SART3: variants seen among roughly 807,000 people sequenced by gnomAD.
The protein encoded by SART3 is HIV-1 Tat-interacting protein of 110kDa.
Under a neutral mutation model 122.3 loss-of-function variants are expected in SART3, and 44 were observed. That is an observed-to-expected ratio of 0.36 (90% CI 0.28 to 0.46). SART3 has a LOEUF of 0.46. Ranked by LOEUF, SART3 falls within the 20% of genes least tolerant of loss-of-function variation. The pLI is 1.00. For synonymous variants in SART3, 442 were observed against 454.0 expected (o/e 0.97, Z 0.34); for missense variants, 1,101 against 1,229.0 (o/e 0.90, Z 1.56).
chr12:108,537,609 A>T lies in SART3; in HGVS notation c.1202-14T>A. The stretch of plus-strand genomic sequence containing the variant: ...TCTCGAAGGTTACTGGAGTTGGAGA[A>T]AAGTCAGGATTTGTTACCAATTCAA... On this transcript the variant is annotated splice_polypyrimidine_tract_variant and intron_variant, in intron 8 of 18. Transcript: ENST00000546815. 6.2e-7 allele frequency: 1 copy of T among 1,606,482 alleles called. No individual in the cohort carries two copies. Among genetic ancestry groups the T allele is most frequent in the South Asian group, 1.1e-5 (1 of 90,874 alleles).
rs772708927 is a variant in SART3 at position 108,531,288 on chromosome 12, GA to G, written c.1670-9del. The G allele has an allele frequency of 3.7e-5, 59 of 1,611,116 alleles. No homozygotes were observed. The highest frequency in any genetic ancestry group is 4.8e-5 in the Non-Finnish European group (56 of 1,177,428). ...CCCAATCTTCTAAAGAACCTTGAAAGAAAGAGAAGCAAAACTTTCACTCTTT... is the reference window on the plus strand; with the variant it reads ...CCCAATCTTCTAAAGAACCTTGAAAGAAGAGAAGCAAAACTTTCACTCTTT... On this transcript the variant is annotated splice_polypyrimidine_tract_variant and intron_variant, in intron 13 of 18. Coordinates refer to ENST00000546815, the MANE Select transcript of SART3 (RefSeq NM_014706.4).
At chr12:108,532,187 T>C in intron 13 of SART3, 35 bp downstream of exon 13, 1 of 1,582,744 alleles carries the variant, frequency 6.3e-7, no homozygotes, top group East Asian at 2.2e-5. Flanking sequence ...GCAAATGGGT[T>C]AGGCTCCAAG....
rs1187592017 is a variant in SART3 at position 108,523,118 on chromosome 12, G to A, written c.*339C>T. On this transcript the variant is annotated 3_prime_UTR_variant, in exon 19 of 19. Coordinates refer to ENST00000546815, the MANE Select transcript of SART3 (RefSeq NM_014706.4). The stretch of plus-strand genomic sequence containing the variant: ...GAGAAGTGTCATACAAAAAGGGGCC[G>A]GAGCTGGCCAGAAACATTTGGACAA... 6 of 391,294 alleles carry A rather than the reference G, an allele frequency of 1.5e-5. No individual in the cohort carries two copies. The highest frequency in any genetic ancestry group is 1.1e-4 in the East Asian group (2 of 18,508). 24.2% of individuals were successfully genotyped at this position (391,294 alleles called of 1,614,324 possible). A position where few individuals can be genotyped will look rare whatever the true frequency, so the allele number is the denominator to read the frequency against.
intron 1 of SART3, among the ~76,000 whole-genome samples, chr12:108,558,734 T>G (rs1158528529): frequency 6.6e-6 from 1 of 152,196 alleles, no homozygotes; most frequent in African/African-American, 2.4e-5. Context: ...TTCAGCACAC[T>G]TATTTATAAA....
chr12:108,525,593 G>C lies in SART3; in HGVS notation c.2387C>G (p.Thr796Ser). ...GAACAGCTTGTGTTTCTCTAGGGAAGTGCTGTACCTGAACACCTATAGGAA... is the reference window on the plus strand; with the variant it reads ...GAACAGCTTGTGTTTCTCTAGGGAACTGCTGTACCTGAACACCTATAGGAA... The part of the protein sequence containing the change: ...NPDFKVFRYS[T>S]SLEKHKLFIS... Residue 796 changes from threonine to serine, a missense_variant, in exon 17 of 19, where the codon ACT becomes AGT. Physicochemically the swap from Thr to Ser is moderately conservative, Grantham distance 58. Transcript: ENST00000546815. 5 of 1,614,146 alleles carry C rather than the reference G, an allele frequency of 3.1e-6. No individual in the cohort carries two copies. Among genetic ancestry groups the C allele is most frequent in the Non-Finnish European group, 4.2e-6 (5 of 1,179,992 alleles).
chr12:108,532,544 A>G (rs768578882), intron 12 of SART3: 4 of 521,004 alleles, frequency 7.7e-6, no homozygotes, highest in Non-Finnish European at 1.4e-5. Flanking sequence ...TCTCTCCCTC[A>G]GCCATGTAGG....
At chr12:108,544,140 C>T (rs1873296971) in intron 5 of SART3, among the ~76,000 whole-genome samples, 1 of 152,196 alleles carries the variant, frequency 6.6e-6, no homozygotes, top group Non-Finnish European at 1.5e-5. Flanking sequence ...CTTTCAGAGA[C>T]CCTATCTCTG....
intron 1 of SART3, among the ~76,000 whole-genome samples, chr12:108,556,862 G>A (rs756030965): frequency 5.3e-5 from 8 of 152,198 alleles, no homozygotes; most frequent in South Asian, 2.1e-4. Flanking sequence ...GTGTGCTTGC[G>A]GAGCACAAAC....
At chr12:108,552,407 C>T (rs1296189363) in intron 1 of SART3, among the ~76,000 whole-genome samples, 2 of 150,324 alleles carry the variant, frequency 1.3e-5, no homozygotes, top group Non-Finnish European at 3.0e-5. Flanking sequence ...CTATACAGCT[C>T]GGAAAAATAA....
In SART3 at chr12:108,525,492, G is replaced by A. The variant is rs1323193834; in HGVS notation, c.2488C>T (p.Leu830Phe). 3.7e-6 allele frequency: 6 copies of A among 1,614,186 alleles called. No homozygotes were observed. The highest frequency in any genetic ancestry group is 1.1e-5 in the South Asian group (1 of 91,090). Residue 830 changes from leucine to phenylalanine, a missense_variant, in exon 17 of 19, where the codon CTC (leucine) becomes TTC (phenylalanine). Around this residue, in one of 2 missense-constraint regions of SART3, gnomAD observed 885 missense variants for 1,080.1 expected, o/e 0.82. Transcript: ENST00000546815. ...CCAGCCCGGTTGGTGACCAGCCTGA[G>A]GTCCTTCACGGTGCCATGAGCCTTA... is the stretch of plus-strand genomic sequence containing the variant. ...ICKAHGTVKD[L>F]RLVTNRAGKP...
intron 3 of SART3, among the ~76,000 whole-genome samples, chr12:108,546,222 C>A (rs1191360691): frequency 6.6e-6 from 1 of 152,102 alleles, no homozygotes; most frequent in Admixed American, 6.5e-5. Flanking sequence ...TTTGTTGAGA[C>A]ACAGTCTCGT....
intron 18 of SART3, chr12:108,523,955 C>T (rs995290398): frequency 1.8e-6 from 1 of 559,128 alleles, no homozygotes; most frequent in African/African-American, 1.9e-5. Flanking sequence ...CAGCGAACAG[C>T]ACAGCTTATG....
At chr12:108,532,972 G>A (rs990799066) in intron 12 of SART3, among the ~76,000 whole-genome samples, 7 of 152,052 alleles carry the variant, frequency 4.6e-5, no homozygotes, top group African/African-American at 1.4e-4. Context: ...AAGGCTGGTC[G>A]CAAACAGATC....
intron 5 of SART3, 24 bp from the exon 6 acceptor site, chr12:108,543,176 C>A (rs376649077): frequency 6.2e-7 from 1 of 1,613,368 alleles, no homozygotes; most frequent in Non-Finnish European, 8.5e-7. Context: ...GATTCAGCCC[C>A]GTGGGTCTTG....
chr12:108,541,600 G>A (rs188325876), intron 6 of SART3, among the ~76,000 whole-genome samples: 1 of 152,058 alleles, frequency 6.6e-6, no homozygotes, highest in African/African-American at 2.4e-5. Context: ...GTGCAGTGGT[G>A]CGATCTCGGC....
Position 108,545,334 on chromosome 12 carries a change from GA to G in SART3, c.545-12del. 1 of 1,613,820 alleles carries G rather than the reference GA, an allele frequency of 6.2e-7. No individual in the cohort carries two copies. Among genetic ancestry groups the G allele is most frequent in the Non-Finnish European group, 8.5e-7 (1 of 1,179,716 alleles). On this transcript the variant is annotated splice_polypyrimidine_tract_variant and intron_variant, in intron 3 of 18. Coordinates refer to ENST00000546815, the MANE Select transcript of SART3 (RefSeq NM_014706.4). Reference sequence around the variant, plus strand: ...GCCAAATGTTAGGACCTAAAAATAAGAAGTGTTCAATTAGTTTGGGATATAA... The same window carrying G: ...GCCAAATGTTAGGACCTAAAAATAAGAGTGTTCAATTAGTTTGGGATATAA...
intron 15 of SART3, among the ~76,000 whole-genome samples, chr12:108,529,069 G>A (rs1177985131): frequency 6.6e-6 from 1 of 152,164 alleles, no homozygotes; most frequent in East Asian, 1.9e-4. Context: ...GTTGAAGTGA[G>A]CCAAGATCAC....
In SART3 at chr12:108,530,309, G is replaced by A. The variant is rs149622226; in HGVS notation, c.1748C>T (p.Ala583Val). The change falls in exon 15 of 19, where the codon GCT becomes GTT. Residue 583 changes from alanine to valine, a missense_variant and splice_region_variant. Physicochemically the swap from Ala to Val is moderately conservative, Grantham distance 64. This residue lies in a region of SART3 where 885 missense variants were observed against 1,080.1 expected (regional missense o/e 0.82). Transcript: ENST00000546815. The part of the protein sequence containing the change: ...LARVNEQRMK[A>V]AEKEAALVQQ... ...CACAAGGGCTGCTTCCTTCTCTGCAGCCTAGAAAAGTGGGAAGATGATGCA... is the reference window on the plus strand; with the variant it reads ...CACAAGGGCTGCTTCCTTCTCTGCAACCTAGAAAAGTGGGAAGATGATGCA... 1.4e-5 allele frequency: 23 copies of A among 1,613,842 alleles called. No individual in the cohort carries two copies. Among genetic ancestry groups the A allele is most frequent in the Non-Finnish European group, 1.7e-5 (20 of 1,180,036 alleles).
At position 108,523,415 on chromosome 12, in the gene SART3, G is replaced by A; in HGVS notation, c.*42C>T. 1.9e-6 allele frequency: 3 copies of A among 1,606,574 alleles called. No individual in the cohort carries two copies. The highest frequency in any genetic ancestry group is 2.6e-6 in the Non-Finnish European group (3 of 1,174,950). On this transcript the variant is annotated 3_prime_UTR_variant, in exon 19 of 19. Coordinates refer to ENST00000546815, the MANE Select transcript of SART3 (RefSeq NM_014706.4). Reference sequence around the variant, plus strand: ...TGCTGGGTGGTGGGAGGTCCGCCGGGCCAGAGTGAAGTAAGGCATTTCCTG... The same window carrying A: ...TGCTGGGTGGTGGGAGGTCCGCCGGACCAGAGTGAAGTAAGGCATTTCCTG...
Sources: gnomAD v4.1 joint callset for allele counts (sites outside exome capture counted in the v4.1 genomes callset) on GRCh38, gnomAD v4.1.1 for gene constraint, gnomAD v4.1.1 regional missense constraint, MANE v1.5 for transcripts, NCBI Gene and HGNC (gene_info 2026-07-23, HGNC 2026-07-21) for gene names.